DTNA: variants seen among roughly 807,000 people sequenced by gnomAD.
The protein encoded by DTNA is dystrophin-related protein 3.
A neutral mutation model predicts 100.7 loss-of-function variants in DTNA; 43 were observed. The observed-to-expected ratio is 0.43, with a 90% CI of 0.33 to 0.55. DTNA has a LOEUF of 0.55. Among genes scored for constraint, DTNA ranks in the 20% least tolerant of loss-of-function variants. The pLI is 0.04. For missense variants in DTNA, 798 were observed against 953.9 expected, an observed-to-expected ratio of 0.84 and a Z score of 2.15; for synonymous variants, 349 against 347.9, an observed-to-expected ratio of 1.00 and a Z score of -0.04.
At position 34,518,681 on chromosome 18, in the gene DTNA, G is replaced by GTT. The variant is rs35144785; in HGVS notation, c.-2+25177_-2+25178dup. On this transcript the variant is annotated intron_variant, in intron 1 of 19. Coordinates refer to the DTNA transcript ENST00000283365. ...AAAATGTCTTCAATTTTGACTTACC[G>GTT]TTTTTTTTTTTAATTTGGCAAACGT... Among the ~76,000 whole-genome samples, 580 of 135,168 alleles carry GTT rather than the reference G, an allele frequency of 4.3e-3. 4 individuals are homozygous for GTT. The highest frequency in any genetic ancestry group is 0.012 in the African/African-American group (423 of 36,074). 88.7% of individuals were successfully genotyped at this position (135,168 alleles called of 152,430 possible).
chr18:34,852,659 C>T (rs2096495349), intron 15 of DTNA, among the ~76,000 whole-genome samples: 1 of 152,180 alleles, frequency 6.6e-6, no homozygotes, highest in Admixed American at 6.5e-5. Context: ...CCAGCCTCAG[C>T]TCACCTTGCT....
intron 17 of DTNA, chr18:34,866,968 G>A: frequency 8.6e-7 from 1 of 1,156,192 alleles, no homozygotes; most frequent in Non-Finnish European, 1.0e-6. Context: ...CCAGCAGGGG[G>A]AGCAGCAAAC....
At chr18:34,709,716 T>C (rs575225389), upstream of DTNA, among the ~76,000 whole-genome samples, 12 of 152,286 alleles carry the variant, frequency 7.9e-5, no homozygotes, top group East Asian at 2.3e-3. Context: ...AACTGAAATC[T>C]GTTTAAATAA....
chr18:34,784,935 C>CT (rs570123829), intron 3 of DTNA, among the ~76,000 whole-genome samples: 2,959 of 138,520 alleles, frequency 0.021, 47 homozygotes, highest in Non-Finnish European at 0.029. Context: ...CTGAAATATT[C>CT]TTTTTTTTTT....
intron 1 of DTNA, among the ~76,000 whole-genome samples, chr18:34,628,603 G>A (rs938388422): frequency 9.9e-5 from 15 of 152,262 alleles, no homozygotes; most frequent in African/African-American, 3.4e-4. Flanking sequence ...AGAACTTCTA[G>A]TAACCTTCTG....
chr18:34,669,746 A>T (rs1011555163), intron 1 of DTNA, among the ~76,000 whole-genome samples: 1 of 152,184 alleles, frequency 6.6e-6, no homozygotes, highest in Non-Finnish European at 1.5e-5. Flanking sequence ...AGAATGTTGA[A>T]TATTGGCCCC....
chr18:34,887,098 G>C (rs1427013928), intron 22 of DTNA, among the ~76,000 whole-genome samples: 3 of 152,112 alleles, frequency 2.0e-5, no homozygotes, highest in Non-Finnish European at 2.9e-5. Flanking sequence ...GAAGGTGGAC[G>C]CCAGAGACAT....
At chr18:34,857,292 A>C (rs2096563875) in intron 15 of DTNA, among the ~76,000 whole-genome samples, 1 of 152,218 alleles carries the variant, frequency 6.6e-6, no homozygotes, top group Non-Finnish European at 1.5e-5. Context: ...GGGCTTTGCG[A>C]AGCAGGCAGT....
intron 1 of DTNA, among the ~76,000 whole-genome samples, chr18:34,625,362 G>A (rs1394266533): frequency 5.9e-5 from 9 of 151,876 alleles, no homozygotes; most frequent in African/African-American, 2.2e-4. Context: ...TAGTAGAGAC[G>A]GGGTTTCACC....
chr18:34,797,345 G>A (rs986013728), intron 4 of DTNA, among the ~76,000 whole-genome samples: 5 of 152,174 alleles, frequency 3.3e-5, no homozygotes, highest in Admixed American at 3.3e-4. Context: ...GAAAAGAGAT[G>A]TCAGAAATAA....
chr18:34,795,926 G>A (rs1486816183), intron 4 of DTNA, among the ~76,000 whole-genome samples: 1 of 152,138 alleles, frequency 6.6e-6, no homozygotes, highest in Non-Finnish European at 1.5e-5. Flanking sequence ...TCTCTAAATA[G>A]CTGCTGAAAA....
chr18:34,740,698 A>G (rs2090477877), intron 1 of DTNA, among the ~76,000 whole-genome samples: 1 of 152,100 alleles, frequency 6.6e-6, no homozygotes, highest in Non-Finnish European at 1.5e-5. Context: ...CGGGAGGCTG[A>G]AGCGGGAGGA....
intron 1 of DTNA, among the ~76,000 whole-genome samples, chr18:34,613,719 G>C (rs1343030903): frequency 6.6e-6 from 1 of 152,210 alleles, no homozygotes; most frequent in East Asian, 1.9e-4. Context: ...GGAAGCTACA[G>C]AAGAAGAGTT....
chr18:34,553,112 A>G (rs1237932847), intron 1 of DTNA, among the ~76,000 whole-genome samples: 6 of 149,508 alleles, frequency 4.0e-5, no homozygotes, highest in African/African-American at 1.5e-4. Context: ...TTTGATTTGC[A>G]TTTCTCTGAT....
intron 1 of DTNA, among the ~76,000 whole-genome samples, chr18:34,645,401 G>A (rs1407640879): frequency 1.3e-5 from 2 of 152,050 alleles, no homozygotes; most frequent in South Asian, 4.2e-4. Flanking sequence ...AATGTTATTC[G>A]TCCCACCTTG....
chr18:34,642,812 C>T (rs1202529883), intron 1 of DTNA, among the ~76,000 whole-genome samples: 1 of 152,156 alleles, frequency 6.6e-6, no homozygotes, highest in African/African-American at 2.4e-5. Context: ...CCACCTCGAC[C>T]TCCCAAAGTG....
At chr18:34,710,239 C>T (rs2146449764), upstream of DTNA, 1 of 152,204 alleles carries the variant, frequency 6.6e-6, no homozygotes, top group East Asian at 1.9e-4. Context: ...TTCATTGCTA[C>T]CATGGTAACG....
intron 1 of DTNA, among the ~76,000 whole-genome samples, chr18:34,670,476 C>G (rs2076588943): frequency 6.6e-6 from 1 of 152,200 alleles, no homozygotes; most frequent in East Asian, 1.9e-4. Context: ...GAGCTGCGTT[C>G]CTTTGGAGGA....
intron 1 of DTNA, among the ~76,000 whole-genome samples, chr18:34,714,830 G>A (rs1243247188): frequency 1.3e-5 from 2 of 152,076 alleles, no homozygotes; most frequent in African/African-American, 2.4e-5. Context: ...ATGATAGACT[G>A]GATTAAGAAA....
Sources: allele counts gnomAD v4.1 joint callset (sites outside exome capture counted in the v4.1 genomes callset), GRCh38; gene constraint gnomAD v4.1.1; transcripts MANE v1.5; gene names NCBI Gene and HGNC (gene_info 2026-07-23, HGNC 2026-07-21).